The following ZFYVE28 variants were observed in gnomAD, a reference collection of about 807,000 sequenced individuals.
The protein encoded by ZFYVE28 is zinc finger FYVE-type containing 28.
In ZFYVE28, 40 loss-of-function variants were observed where a neutral mutation model predicts 82.1. That is an observed-to-expected ratio of 0.49 (90% confidence interval 0.38 to 0.63). The LOEUF is 0.63. ZFYVE28 is among the 30% of genes least tolerant of loss of function. The pLI is 0.00. For synonymous variants in ZFYVE28, 612 were observed against 546.1 expected (o/e 1.12, Z -1.68); for missense variants, 1,321 against 1,242.1 (o/e 1.06, Z -0.96).
intron 1 of ZFYVE28, among the ~76,000 whole-genome samples, chr4:2,367,858 A>G (rs993284374): frequency 6.6e-6 from 1 of 152,170 alleles, no homozygotes; most frequent in Non-Finnish European, 1.5e-5. Context: ...AACGGACTTA[A>G]GACACCCAGG....
rs548489640 is a variant in ZFYVE28 at position 2,394,706 on chromosome 4, G to A, written c.39+23579C>T. Among the ~76,000 whole-genome samples, 1 of 152,236 alleles carries A rather than the reference G, an allele frequency of 6.6e-6. No individual in the cohort carries two copies. The highest frequency in any genetic ancestry group is 2.4e-5 in the African/African-American group (1 of 41,474). On this transcript the variant is annotated intron_variant, in intron 1 of 12. Coordinates refer to ENST00000290974, the MANE Select transcript of ZFYVE28 (RefSeq NM_020972.3). This position sits in a 1 kb window ranked among gnomAD's most constrained non-coding sequence, Gnocchi z 4.0. ...ACACAGGTCTGCGATCCGATCCTGT[G>A]AACAGGCACCACTCTGCGCAGCTGC...
At chr4:2,352,506 G>A (rs1208091514) in intron 2 of ZFYVE28, among the ~76,000 whole-genome samples, 2 of 151,760 alleles carry the variant, frequency 1.3e-5, no homozygotes, top group African/African-American at 2.4e-5. Context: ...GAGCGGAGTG[G>A]ACAGAAGTGA....
At chr4:2,379,729 A>G (rs1382204366) in intron 1 of ZFYVE28, among the ~76,000 whole-genome samples, 2 of 152,166 alleles carry the variant, frequency 1.3e-5, no homozygotes, top group African/African-American at 4.8e-5. Context: ...ATTTTTCTAC[A>G]ACATATATAT....
Position 2,273,108 on chromosome 4 carries a change from C to T in ZFYVE28, c.2323+65G>A, listed in dbSNP as rs534213664. On this transcript the variant is annotated intron_variant, in intron 10 of 12. Coordinates refer to ENST00000290974, the MANE Select transcript of ZFYVE28 (RefSeq NM_020972.3). ...AGAAGGTGTGGATTTCTGAGCACCC[C>T]TCCCTGTGGGCAGGGACACGGCCAC... 2,220 of 1,343,140 alleles carry T rather than the reference C, an allele frequency of 1.7e-3. 4 individuals carry two copies. The highest frequency in any genetic ancestry group is 2.2e-3 in the Non-Finnish European group (2,057 of 955,396). The allele number at this position is 1,343,140 out of a possible 1,614,324, so 83.2% of individuals were successfully genotyped here.
intron 6 of ZFYVE28, among the ~76,000 whole-genome samples, chr4:2,322,339 G>A (rs1371600933): frequency 6.6e-6 from 1 of 152,220 alleles, no homozygotes; most frequent in Non-Finnish European, 1.5e-5. Context: ...GAAACGGTGG[G>A]TCCAATGCAG....
chr4:2,335,878 G>A lies in ZFYVE28; in HGVS notation c.612-84C>T, dbSNP rs893732168. ...GGACCCCAGCAGGGACAGGCAGTGC[G>A]CTCAATCTGTACCTGCAGCCACGCG... is the stretch of plus-strand genomic sequence containing the variant. On this transcript the variant is annotated intron_variant, in intron 5 of 12. Transcript: ENST00000290974. This position sits in a 1 kb window ranked among gnomAD's most constrained non-coding sequence, Gnocchi z 5.8. 11 of 1,160,298 alleles carry A rather than the reference G, an allele frequency of 9.5e-6. No individual in the cohort carries two copies. Among genetic ancestry groups the A allele is most frequent in the East Asian group, 5.1e-5 (2 of 39,196 alleles). 71.9% of individuals were successfully genotyped at this position (1,160,298 alleles called of 1,614,324 possible).
chr4:2,352,581 C>A (rs1289911729), intron 2 of ZFYVE28, among the ~76,000 whole-genome samples: 1 of 151,930 alleles, frequency 6.6e-6, no homozygotes, highest in Non-Finnish European at 1.5e-5. Context: ...CTTCAAAGAC[C>A]CCAGCAGCAA....
At chr4:2,321,669 A>C (rs1719095071) in intron 6 of ZFYVE28, among the ~76,000 whole-genome samples, 1 of 152,180 alleles carries the variant, frequency 6.6e-6, no homozygotes, top group African/African-American at 2.4e-5. Context: ...GGACAAAGGC[A>C]GAGTGAAACA....
chr4:2,367,107 C>G (rs778013085), intron 1 of ZFYVE28, among the ~76,000 whole-genome samples: 124 of 152,328 alleles, frequency 8.1e-4, no homozygotes, highest in Non-Finnish European at 6.6e-4. Context: ...ATGAACTGCA[C>G]AGCCTCTCTG....
intron 1 of ZFYVE28, among the ~76,000 whole-genome samples, chr4:2,388,979 GC>G (rs1237890350): frequency 3.3e-5 from 5 of 152,146 alleles, no homozygotes; most frequent in Non-Finnish European, 7.3e-5. Flanking sequence ...GCAGCTGAAT[GC>G]CCCCACTGCC....
intron 9 of ZFYVE28, among the ~76,000 whole-genome samples, chr4:2,273,809 A>G (rs1027312629): frequency 6.7e-6 from 1 of 149,154 alleles, no homozygotes; most frequent in African/African-American, 2.5e-5. Flanking sequence ...TTCTGCCCCC[A>G]CCCCACTGCC....
chr4:2,360,635 T>G (rs770126532), intron 1 of ZFYVE28, among the ~76,000 whole-genome samples: 6 of 152,140 alleles, frequency 3.9e-5, no homozygotes, highest in Non-Finnish European at 8.8e-5. Flanking sequence ...GCAGACACCT[T>G]CAGGCAGGGG....
intron 8 of ZFYVE28, among the ~76,000 whole-genome samples, chr4:2,303,043 C>T (rs612973): frequency 4.6e-5 from 7 of 152,162 alleles, no homozygotes; most frequent in Middle Eastern, 3.4e-3. Flanking sequence ...CCAGAAGAGG[C>T]GAACCCATCG....
Position 2,339,490 on chromosome 4 carries a change from T to C in ZFYVE28, c.484A>G (p.Arg162Gly). The C allele has an allele frequency of 6.2e-7, 1 of 1,613,922 alleles. No homozygotes were observed. The highest frequency in any genetic ancestry group is 8.5e-7 in the Non-Finnish European group (1 of 1,179,978). The change falls in exon 4 of 13, where the codon AGG becomes GGG. Residue 162 changes from arginine (R) to glycine (G), a missense_variant. Physicochemically the swap from Arg to Gly is moderately radical, Grantham distance 125. Transcript: ENST00000290974. This position sits in a 1 kb window ranked among gnomAD's most constrained non-coding sequence, Gnocchi z 5.0. ...TCTGCGAACAGGACGTCGAAGTGCC[T>C]CAGCGCTTCCCTCATCTTCTCTGTG... is the stretch of plus-strand genomic sequence containing the variant. ...TYTEKMREAL[R>G]HFDVLFAEFE...
chr4:2,415,366 C>T (rs1732918993), intron 1 of ZFYVE28, among the ~76,000 whole-genome samples: 1 of 151,936 alleles, frequency 6.6e-6, no homozygotes, highest in Non-Finnish European at 1.5e-5. Flanking sequence ...CCTGTAATCC[C>T]AGTGCTTCGG....
intron 7 of ZFYVE28, among the ~76,000 whole-genome samples, chr4:2,309,267 C>T (rs1168043928): frequency 1.3e-5 from 2 of 152,152 alleles, no homozygotes; most frequent in African/African-American, 4.8e-5. Flanking sequence ...TGACAGAGCA[C>T]GAGGTCCGCA....
chr4:2,303,681 C>G (rs755013787), intron 8 of ZFYVE28, among the ~76,000 whole-genome samples: 6 of 152,190 alleles, frequency 3.9e-5, no homozygotes, highest in Non-Finnish European at 7.4e-5. Context: ...CCATCTCCCC[C>G]CAGTGCAGGG....
intron 8 of ZFYVE28, among the ~76,000 whole-genome samples, chr4:2,294,447 T>C (rs1027035851): frequency 3.9e-5 from 6 of 152,294 alleles, no homozygotes; most frequent in African/African-American, 1.4e-4. Flanking sequence ...TTACTTCAAA[T>C]GGAATACTGT....
In ZFYVE28 at chr4:2,409,190, C is replaced by A. The variant is rs910436678; in HGVS notation, c.39+9095G>T. ...CATCTCCACCCTCCACCTCGCAGCT[C>A]CTCTCCTGAGCTCCCCATCCCCAAA... On this transcript the variant is annotated intron_variant, in intron 1 of 12. Coordinates refer to ENST00000290974, the MANE Select transcript of ZFYVE28 (RefSeq NM_020972.3). The surrounding 1 kb of genome is among the most constrained non-coding windows in gnomAD (Gnocchi z 4.4). 6.6e-6 allele frequency among the ~76,000 whole-genome samples: 1 copy of A among 151,632 alleles called. No individual in the cohort carries two copies. The highest frequency in any genetic ancestry group is 1.5e-5 in the Non-Finnish European group (1 of 67,920).
Sources: gnomAD v4.1 joint callset for allele counts (sites outside exome capture counted in the v4.1 genomes callset) on GRCh38, gnomAD v4.1.1 for gene constraint, Gnocchi (gnomAD v3.1) non-coding constraint, MANE v1.5 for transcripts, NCBI Gene and HGNC (gene_info 2026-07-23, HGNC 2026-07-21) for gene names.